The following LUZP2 variants were observed in gnomAD, a reference collection of about 807,000 sequenced individuals.
The protein encoded by LUZP2 is leucine zipper protein 2.
A neutral mutation model predicts 51.6 loss-of-function variants in LUZP2; 52 were observed. The ratio of observed to expected loss-of-function variants is 1.01; its 90% CI spans 0.81 to 1.27. The LOEUF (loss-of-function observed/expected upper bound fraction) is 1.27. Ranked by LOEUF, LUZP2 falls within the 50% of genes most tolerant of loss-of-function variation. LUZP2 has a pLI of 0.00. For synonymous variants in LUZP2, 154 were observed against 137.3 expected (o/e 1.12, Z -0.85); for missense variants, 436 against 395.4 (o/e 1.10, Z -0.87).
At chr11:24,830,182 C>G (rs1421958957) in intron 5 of LUZP2, among the ~76,000 whole-genome samples, 18 of 152,100 alleles carry the variant, frequency 1.2e-4, no homozygotes, top group Admixed American at 1.1e-3. Context: ...GAACTAGTAT[C>G]TGTATCAAAA....
intron 1 of LUZP2, among the ~76,000 whole-genome samples, chr11:24,581,670 A>AAAATATAAATAT (rs11267210): frequency 0.018 from 2,428 of 137,046 alleles, 19 homozygotes; most frequent in Middle Eastern, 0.037. Flanking sequence ...GACTCTGTCT[A>AAAATATAAATAT]AAATATAAAT....
At chr11:24,962,500 T>A (rs564627254) in intron 7 of LUZP2, among the ~76,000 whole-genome samples, 52 of 152,324 alleles carry the variant, frequency 3.4e-4, no homozygotes, top group African/African-American at 1.2e-3. Context: ...CCCTTCTTGC[T>A]TCACTTCATT....
chr11:24,519,974 T>C (rs1252030544), intron 1 of LUZP2, among the ~76,000 whole-genome samples: 1 of 152,262 alleles, frequency 6.6e-6, no homozygotes, highest in Non-Finnish European at 1.5e-5. Flanking sequence ...GTTACTATTA[T>C]TAATGATTTA....
At chr11:24,537,579 TA>T (rs1851217517) in intron 1 of LUZP2, among the ~76,000 whole-genome samples, 1 of 151,936 alleles carries the variant, frequency 6.6e-6, no homozygotes, top group African/African-American at 2.4e-5. Context: ...AAGGTTCTTT[TA>T]TTTTGTAGAA....
intron 10 of LUZP2, among the ~76,000 whole-genome samples, chr11:25,070,770 G>GGTTT (rs1859132521): frequency 7.1e-6 from 1 of 141,284 alleles, no homozygotes; most frequent in Non-Finnish European, 1.5e-5. Context: ...GACTGTGTAT[G>GGTTT]GTGTGTGTGT....
At chr11:25,039,500 C>G (rs1180851142) in intron 9 of LUZP2, among the ~76,000 whole-genome samples, 1 of 152,130 alleles carries the variant, frequency 6.6e-6, no homozygotes. Context: ...GCTAAAGCCT[C>G]TTAGAGGGAG....
chr11:25,033,052 A>G (rs1276339075), intron 9 of LUZP2, among the ~76,000 whole-genome samples: 2 of 152,066 alleles, frequency 1.3e-5, no homozygotes, highest in African/African-American at 2.4e-5. Flanking sequence ...CATTCTGAAG[A>G]TGGAGAGTTG....
At chr11:24,499,045 G>A (rs1849912412) in intron 1 of LUZP2, among the ~76,000 whole-genome samples, 1 of 152,136 alleles carries the variant, frequency 6.6e-6, no homozygotes, top group Non-Finnish European at 1.5e-5. Flanking sequence ...TTTCATGAAA[G>A]TGTTGATTTT....
intron 5 of LUZP2, among the ~76,000 whole-genome samples, chr11:24,772,405 G>T (rs1860455192): frequency 6.6e-6 from 1 of 152,180 alleles, no homozygotes; most frequent in African/African-American, 2.4e-5. Flanking sequence ...TCTTATGCCT[G>T]CCTACAGATG....
At chr11:24,610,795 A>C (rs1565027586) in intron 1 of LUZP2, among the ~76,000 whole-genome samples, 1 of 152,158 alleles carries the variant, frequency 6.6e-6, no homozygotes, top group Non-Finnish European at 1.5e-5. Context: ...AAAACACAAA[A>C]TGAGCTGGGC....
intron 5 of LUZP2, among the ~76,000 whole-genome samples, chr11:24,802,349 A>G (rs1849720407): frequency 6.6e-6 from 1 of 151,940 alleles, no homozygotes; most frequent in South Asian, 2.1e-4. Flanking sequence ...CCAGTTTGGG[A>G]CTATGAAAGA....
chr11:24,928,459 T>A (rs1854344053), intron 7 of LUZP2, among the ~76,000 whole-genome samples: 1 of 151,956 alleles, frequency 6.6e-6, no homozygotes, highest in African/African-American at 2.4e-5. Flanking sequence ...TTTTGTCAAA[T>A]GTTTTTTTCT....
rs563738989 is a variant in LUZP2 at position 24,718,253 on chromosome 11, G to C, written c.63-10916G>C. 7.7e-4 allele frequency among the ~76,000 whole-genome samples: 117 copies of C among 152,292 alleles called. 6 individuals carry two copies. The South Asian group carries it at 0.023, about 30-fold the overall frequency. ...ATCTCAGAGTGGTTGTTAAGCTGCT[G>C]TTCCGTATTCCAATACTTAATGCTT... is the stretch of plus-strand genomic sequence containing the variant. On this transcript the variant is annotated intron_variant, in intron 1 of 11. Transcript: ENST00000336930.
At chr11:24,841,669 T>TA (rs141290373) in intron 5 of LUZP2, among the ~76,000 whole-genome samples, 23,043 of 151,992 alleles carry the variant, frequency 0.15, 1,915 homozygotes, top group African/African-American at 0.2. Flanking sequence ...ATAATTGAAA[T>TA]AAAATTATTA....
chr11:25,026,608 G>A (rs1003567332), intron 9 of LUZP2, among the ~76,000 whole-genome samples: 2 of 151,860 alleles, frequency 1.3e-5, no homozygotes, highest in African/African-American at 4.8e-5. Flanking sequence ...TTATTTGTGT[G>A]GCCTCTATTA....
At chr11:24,948,917 A>T (rs1222676606) in intron 7 of LUZP2, among the ~76,000 whole-genome samples, 1 of 151,526 alleles carries the variant, frequency 6.6e-6, no homozygotes, top group Non-Finnish European at 1.5e-5. Flanking sequence ...CAGCAGAACC[A>T]TATTAACAGA....
intron 5 of LUZP2, among the ~76,000 whole-genome samples, chr11:24,766,278 A>C (rs374713913): frequency 2.0e-5 from 3 of 152,112 alleles, no homozygotes; most frequent in African/African-American, 7.2e-5. Flanking sequence ...AACAATGTGT[A>C]TTTCCTTGCA....
intron 1 of LUZP2, among the ~76,000 whole-genome samples, chr11:24,634,406 C>T (rs1319904301): frequency 1.3e-5 from 2 of 151,950 alleles, no homozygotes; most frequent in Non-Finnish European, 2.9e-5. Flanking sequence ...AATTGGTCCA[C>T]ATAGTTTATT....
chr11:25,009,337 A>G (rs1482147732), intron 9 of LUZP2, among the ~76,000 whole-genome samples: 1 of 152,210 alleles, frequency 6.6e-6, no homozygotes, highest in Non-Finnish European at 1.5e-5. Flanking sequence ...AAATTAAATT[A>G]TAGTTTGTAT....
Sources: gnomAD v4.1 joint callset for allele counts (sites outside exome capture counted in the v4.1 genomes callset) on GRCh38, gnomAD v4.1.1 for gene constraint, MANE v1.5 for transcripts, NCBI Gene and HGNC (gene_info 2026-07-23, HGNC 2026-07-21) for gene names.